The following MYL5 variants were observed in gnomAD, a reference collection of about 807,000 sequenced individuals.
MYL5 encodes myosin light chain 5.
Under a neutral mutation model 20.8 loss-of-function variants are expected in MYL5, and 28 were observed. That is an observed-to-expected ratio of 1.35 (90% confidence interval 1.00 to 1.84). The LOEUF is 1.84. MYL5 is among the 40% of genes most tolerant of loss of function. MYL5 has a pLI of 0.00. For missense variants in MYL5, 274 were observed against 227.3 expected, an observed-to-expected ratio of 1.21 and a Z score of -1.32; for synonymous variants, 118 against 87.4, an observed-to-expected ratio of 1.35 and a Z score of -1.95.
At chr4:676,830 G>C, upstream of MYL5, 1 of 969,454 alleles carries the variant, frequency 1.0e-6, no homozygotes, top group Non-Finnish European at 1.2e-6. Context: ...ACACCTTGCA[G>C]TCGGCCCCAG....
chr4:677,984 C>G, exon 1 of MYL5: 1 of 1,613,258 alleles, frequency 6.2e-7, no homozygotes, highest in Middle Eastern at 1.7e-4. Context: ...ATGGGCAAGA[C>G]CTGGGGCCCT....
exon 2 of MYL5, chr4:678,701 C>T (rs866936578): frequency 6.2e-7 from 1 of 1,611,806 alleles, no homozygotes; most frequent in African/African-American, 1.3e-5. Flanking sequence ...GCCCTCCGGG[C>T]CCAGAGAGCC....
upstream of MYL5, among the ~76,000 whole-genome samples, chr4:677,128 C>G (rs1219149961): frequency 3.3e-5 from 5 of 152,236 alleles, no homozygotes; most frequent in Non-Finnish European, 5.9e-5. Context: ...GCCCTGGGTC[C>G]TGTTACCTAC....
intron 3 of MYL5, 105 bp from the exon 6 acceptor site, chr4:679,808 TC>T: frequency 1.3e-6 from 1 of 785,732 alleles, no homozygotes; most frequent in Middle Eastern, 2.7e-4. Context: ...TCCCGCTCCC[TC>T]CCCACCCTTC....
At chr4:676,654 T>A (rs1410679443), upstream of MYL5, among the ~76,000 whole-genome samples, 1 of 152,118 alleles carries the variant, frequency 6.6e-6, no homozygotes, top group Non-Finnish European at 1.5e-5. Context: ...ACATTCCCGG[T>A]GGCCTCGGGG....
At chr4:679,076 G>A (rs368763375) in intron 3 of MYL5, 43 bp downstream of exon 5, 9 of 1,558,648 alleles carry the variant, frequency 5.8e-6, no homozygotes, top group East Asian at 2.2e-5. Flanking sequence ...TGGAGGAGGC[G>A]AACACAGAGG....
chr4:678,433 G>C, intron 1 of MYL5: 2 of 1,424,650 alleles, frequency 1.4e-6, no homozygotes, highest in Non-Finnish European at 1.8e-6. Context: ...GGAAGCCACT[G>C]TCCCTCCCCC....
At chr4:677,878 C>T, upstream of MYL5, 1 of 1,365,156 alleles carries the variant, frequency 7.3e-7, no homozygotes. Context: ...GCTCACTCTG[C>T]AGCTGTCCAG....
chr4:681,361 G>C (rs1466462081), intron 6 of MYL5, among the ~76,000 whole-genome samples: 1 of 152,032 alleles, frequency 6.6e-6, no homozygotes, highest in Non-Finnish European at 1.5e-5. Flanking sequence ...TAGATCAGCG[G>C]CTGGAGACCC....
At chr4:680,750 G>GGCCAGCCCT (rs1560155449) in intron 5 of MYL5, 163 bp downstream of exon 7, 5 of 737,882 alleles carry the variant, frequency 6.8e-6, no homozygotes, top group Non-Finnish European at 8.8e-6. Context: ...CTGAGTGGGA[G>GGCCAGCCCT]GCCAGCCCTG....
At chr4:678,763 G>A in exon 2 of MYL5, 2 of 1,610,202 alleles carry the variant, frequency 1.2e-6, no homozygotes, top group Non-Finnish European at 1.7e-6. Context: ...GGAGTTCAAG[G>A]AGGTGAGACT....
chr4:681,864 G>C, intron 6 of MYL5, 29 bp from the exon 9 acceptor site: 1 of 1,307,266 alleles, frequency 7.6e-7, no homozygotes, highest in Non-Finnish European at 9.8e-7. Flanking sequence ...CCCGGAGCCC[G>C]CAAGGAGCCC....
rs1404084943 is a variant in MYL5, at chr4:681,740, G to T, written c.421-153G>T. On this transcript the variant is annotated intron_variant, in intron 6 of 6. Transcript: ENST00000400159. ...GCGCCGCCCCGCCCCCTCCAGCGCC[G>T]CCCCGCCCCCTCCAGCGCCGCCCTC... 3 of 767,184 alleles carry T rather than the reference G, an allele frequency of 3.9e-6. No individual in the cohort carries two copies. The South Asian group carries it at 2.0e-4, about 51-fold the overall frequency. 47.5% of individuals were successfully genotyped at this position (767,184 alleles called of 1,614,324 possible).
At chr4:681,273 G>A (rs1253427653) in intron 6 of MYL5, 133 bp downstream of exon 8, 14 of 1,067,890 alleles carry the variant, frequency 1.3e-5, no homozygotes, top group South Asian at 1.2e-4. Context: ...GCCCCCGGGG[G>A]GCTCCCGAAG....
At chr4:679,801 C>T (rs1279604197) in intron 3 of MYL5, 113 bp from the exon 6 acceptor site, 13 of 866,594 alleles carry the variant, frequency 1.5e-5, no homozygotes, top group South Asian at 4.6e-5. Context: ...GTCTCCTTCC[C>T]GCTCCCTCCC....
chr4:678,223 G>C, intron 1 of MYL5, 194 bp downstream of exon 3: 2 of 1,496,190 alleles, frequency 1.3e-6, no homozygotes. Context: ...GGTGTGGGCT[G>C]TGCTGTGTTG....
intron 5 of MYL5, chr4:680,834 C>T: frequency 1.6e-6 from 1 of 632,238 alleles, no homozygotes; most frequent in Admixed American, 2.9e-5. Flanking sequence ...CCATCTTCAG[C>T]TCCTGCTAGG....
At chr4:679,089 C>T in intron 3 of MYL5, 56 bp downstream of exon 5, 3 of 1,421,722 alleles carry the variant, frequency 2.1e-6, no homozygotes, top group Non-Finnish European at 2.9e-6. Context: ...CACAGAGGTC[C>T]TCCAGCTCCA....
intron 4 of MYL5, among the ~76,000 whole-genome samples, chr4:680,223 C>G (rs73792336): frequency 6.6e-6 from 1 of 152,182 alleles, no homozygotes; most frequent in South Asian, 2.1e-4. Context: ...GCTGTGTGAC[C>G]CGCCGTCGAC....
Sources: gnomAD v4.1 joint callset for allele counts (sites outside exome capture counted in the v4.1 genomes callset) on GRCh38, gnomAD v4.1.1 for gene constraint, MANE v1.5 for transcripts, NCBI Gene and HGNC (gene_info 2026-07-23, HGNC 2026-07-21) for gene names.